KAZN: variants seen among roughly 807,000 people sequenced by gnomAD.
The protein encoded by KAZN is kazrin.
Under a neutral mutation model 87.4 loss-of-function variants are expected in KAZN, and 40 were observed. The ratio of observed to expected loss-of-function variants is 0.46; its 90% confidence interval spans 0.36 to 0.60. The LOEUF (loss-of-function observed/expected upper bound fraction) is 0.60, where lower values mean the gene tolerates loss of function less well. Among genes scored for constraint, KAZN ranks in the 20% least tolerant of loss-of-function variants. The probability of loss-of-function intolerance (pLI) is 0.00; values close to 1 mark genes in which losing one functional copy is unlikely to be tolerated. For synonymous variants in KAZN, 466 were observed against 458.3 expected (o/e 1.02, Z -0.22); for missense variants, 898 against 1,073.9 (o/e 0.84, Z 2.29).
At chr1:13,971,085 A>C (rs773189927) in intron 1 of KAZN, among the ~76,000 whole-genome samples, 24 of 152,122 alleles carry the variant, frequency 1.6e-4, no homozygotes, top group Non-Finnish European at 2.5e-4. Context: ...TGTGCTAGAC[A>C]TGTCTGGGAG....
chr1:15,034,843 G>A lies in KAZN; in HGVS notation c.513G>A (p.Glu171=), dbSNP rs1459684246. 1 of 1,613,916 alleles carries A rather than the reference G, an allele frequency of 6.2e-7. No individual in the cohort carries two copies. The stretch of plus-strand genomic sequence containing the variant: ...ATGCCACACTGGAGAGCCGCGAGGA[G>A]CAGCTCCGAGACTTCATCCGCAACT... The part of the protein sequence containing the change: ...QLYATLESRE[E]QLRDFIRNYE... Residue 171 remains glutamate (E), a synonymous_variant, in exon 3 of 15, where the codon GAG becomes GAA. Coordinates refer to ENST00000376030, the MANE Select transcript of KAZN (RefSeq NM_201628.3).
intron 11 of KAZN, among the ~76,000 whole-genome samples, chr1:15,102,888 G>A (rs1641129401): frequency 6.6e-6 from 1 of 152,252 alleles, no homozygotes; most frequent in Non-Finnish European, 1.5e-5. Context: ...GACAGGGAGT[G>A]ACAAGGACAC....
At chr1:14,046,395 C>CAT (rs75236381) in intron 1 of KAZN, among the ~76,000 whole-genome samples, 9 of 151,806 alleles carry the variant, frequency 5.9e-5, no homozygotes, top group South Asian at 2.1e-4. Context: ...TAGGTACATA[C>CAT]ATATATATAT....
chr1:14,557,129 G>A (rs560517953), intron 2 of KAZN, among the ~76,000 whole-genome samples: 1 of 151,964 alleles, frequency 6.6e-6, no homozygotes, highest in Non-Finnish European at 1.5e-5. Flanking sequence ...AAATAACGTG[G>A]GCAAATAGTA....
chr1:14,573,103 A>G (rs767099332), intron 2 of KAZN, among the ~76,000 whole-genome samples: 5 of 152,070 alleles, frequency 3.3e-5, no homozygotes, highest in Non-Finnish European at 7.4e-5. Context: ...CATGAGAAGC[A>G]ATACACTTCT....
intron 1 of KAZN, among the ~76,000 whole-genome samples, chr1:14,026,403 C>T (rs1641071583): frequency 6.6e-6 from 1 of 152,134 alleles, no homozygotes; most frequent in African/African-American, 2.4e-5. Flanking sequence ...GGCTTGAAGA[C>T]CCTATGGTGG....
chr1:14,210,296 G>A (rs1273585519), intron 2 of KAZN, among the ~76,000 whole-genome samples: 4 of 152,120 alleles, frequency 2.6e-5, no homozygotes, highest in Admixed American at 2.6e-4. Context: ...TGTAAGATGT[G>A]CCTTTGCTCC....
intron 2 of KAZN, among the ~76,000 whole-genome samples, chr1:14,989,047 A>G (rs552640948): frequency 2.0e-5 from 3 of 152,266 alleles, no homozygotes; most frequent in South Asian, 4.1e-4. Flanking sequence ...TGGTGCCATC[A>G]TGGTTCTGTC....
At chr1:14,748,583 T>C (rs1644324782) in intron 1 of KAZN, among the ~76,000 whole-genome samples, 1 of 152,236 alleles carries the variant, frequency 6.6e-6, no homozygotes, top group Admixed American at 6.5e-5. Flanking sequence ...TGCGTGTAAG[T>C]CATTTGTAAC....
chr1:14,303,146 A>T (rs1252643939), intron 2 of KAZN, among the ~76,000 whole-genome samples: 1 of 152,176 alleles, frequency 6.6e-6, no homozygotes, highest in Non-Finnish European at 1.5e-5. Context: ...GAGGAAGTAG[A>T]CGTCGGTGTT....
At chr1:14,423,807 G>T (rs1364551867) in intron 2 of KAZN, among the ~76,000 whole-genome samples, 1 of 152,132 alleles carries the variant, frequency 6.6e-6, no homozygotes, top group Non-Finnish European at 1.5e-5. Context: ...TGGGACTTTT[G>T]CTGGAACTTT....
intron 1 of KAZN, among the ~76,000 whole-genome samples, chr1:14,155,848 C>T (rs554903144): frequency 1.8e-4 from 27 of 152,172 alleles, no homozygotes; most frequent in African/African-American, 6.5e-4. Context: ...TGGGGTTTCA[C>T]CATGTTGGCC....
rs1658247930 is a variant in KAZN at position 14,348,079 on chromosome 1, C to A, written c.249+167487C>A. ...TTTTTTTTTTTTTTTGAGATGAAATCTCACTCTGTCATCCAGGCTGGAGTG... is the reference window on the plus strand; with the variant it reads ...TTTTTTTTTTTTTTTGAGATGAAATATCACTCTGTCATCCAGGCTGGAGTG... On this transcript the variant is annotated intron_variant, in intron 2 of 16. Transcript: ENST00000636203. 4.6e-5 allele frequency among the ~76,000 whole-genome samples: 5 copies of A among 107,722 alleles called. No homozygotes were observed. The South Asian group carries it at 1.6e-3, about 34-fold the overall frequency. 70.7% of individuals were successfully genotyped at this position (107,722 alleles called of 152,430 possible). A position where few individuals can be genotyped will look rare whatever the true frequency, so the allele number is the denominator to read the frequency against.
At chr1:14,853,114 A>G (rs1333314539) in intron 1 of KAZN, among the ~76,000 whole-genome samples, 1 of 151,928 alleles carries the variant, frequency 6.6e-6, no homozygotes, top group Non-Finnish European at 1.5e-5. Context: ...CCTTTCACAA[A>G]CTCTTCTGGA....
At chr1:14,585,676 C>A (rs1001346226) in intron 2 of KAZN, among the ~76,000 whole-genome samples, 4 of 152,038 alleles carry the variant, frequency 2.6e-5, no homozygotes, top group Non-Finnish European at 4.4e-5. Flanking sequence ...AGGCAAAAGG[C>A]AAGATAGATG....
At position 14,300,425 on chromosome 1, in the gene KAZN, T is replaced by C. The variant is rs553805923; in HGVS notation, c.249+119833T>C. ...TGTTGAATTTTCTGTAGAGATGAGG[T>C]CTCCCTATGTTGCCCAGCCAGGCTG... is the stretch of plus-strand genomic sequence containing the variant. On this transcript the variant is annotated intron_variant, in intron 2 of 16. Transcript: ENST00000636203. 1.3e-4 allele frequency among the ~76,000 whole-genome samples: 19 copies of C among 151,996 alleles called. No individual in the cohort carries two copies. The South Asian group carries it at 4.0e-3, about 32-fold the overall frequency.
At chr1:14,924,058 C>A (rs375957673) in intron 1 of KAZN, 1 of 759,752 alleles carries the variant, frequency 1.3e-6, no homozygotes. Flanking sequence ...GGGGCGGGGG[C>A]GGGGCGGGGG....
rs184414615 is a variant in KAZN, at chr1:14,766,024, T to C, written c.226+166801T>C. On this transcript the variant is annotated intron_variant, in intron 1 of 14. Transcript: ENST00000376030. ...CAAAAGCCAACCTTGAGATGATGACTCAAGGGCACATGCATGTTTTGAGGA... is the reference window on the plus strand; with the variant it reads ...CAAAAGCCAACCTTGAGATGATGACCCAAGGGCACATGCATGTTTTGAGGA... Among the ~76,000 whole-genome samples, 358 of 152,260 alleles carry C rather than the reference T, an allele frequency of 2.4e-3. 1 individual carries two copies. The highest frequency in any genetic ancestry group is 8.3e-3 in the African/African-American group (344 of 41,546).
chr1:14,980,322 G>C (rs941857295), intron 2 of KAZN, among the ~76,000 whole-genome samples: 6 of 152,234 alleles, frequency 3.9e-5, no homozygotes, highest in Admixed American at 1.3e-4. Context: ...TGTGTTGGGA[G>C]AGTGGGAGTC....
Sources: allele counts gnomAD v4.1 joint callset (sites outside exome capture counted in the v4.1 genomes callset), GRCh38; gene constraint gnomAD v4.1.1; transcripts MANE v1.5; gene names NCBI Gene and HGNC (gene_info 2026-07-23, HGNC 2026-07-21).